Variants in SGPP1 observed in about 807,000 individuals in gnomAD.
SGPP1 encodes sphingosine-1-phosphate phosphatase 1.
A neutral mutation model predicts 33.0 loss-of-function variants in SGPP1; 21 were observed. The observed-to-expected ratio is 0.64, with a 90% confidence interval of 0.45 to 0.92. The LOEUF (loss-of-function observed/expected upper bound fraction) is 0.92. SGPP1 is among the 40% of genes least tolerant of loss of function. The pLI is 0.00. For synonymous variants in SGPP1, 239 were observed against 241.2 expected, an observed-to-expected ratio of 0.99 and a Z score of 0.08; for missense variants, 543 against 589.4, an observed-to-expected ratio of 0.92 and a Z score of 0.81.
intron 1 of SGPP1, among the ~76,000 whole-genome samples, chr14:63,723,473 C>A (rs955243663): frequency 2.0e-5 from 3 of 152,132 alleles, no homozygotes; most frequent in African/African-American, 7.2e-5. Context: ...GTAATCCCAG[C>A]ACTTTGGGAG....
chr14:63,707,127 A>T (rs1361342232), intron 1 of SGPP1, among the ~76,000 whole-genome samples: 1 of 151,776 alleles, frequency 6.6e-6, no homozygotes, highest in Non-Finnish European at 1.5e-5. Context: ...AACATTCTCA[A>T]TCTACGGTTT....
chr14:63,713,075 C>T (rs1227440251), intron 1 of SGPP1, among the ~76,000 whole-genome samples: 1 of 152,122 alleles, frequency 6.6e-6, no homozygotes. Context: ...TCTGTGTGTA[C>T]TCATTTTGCA....
chr14:63,686,108 A>G lies in SGPP1; in HGVS notation c.1323T>C (p.Ser441=), dbSNP rs1338743802. ...VPYIFFFIGI[S] is the part of the protein sequence containing the mutation. ...TATCATAAACAATACTTCTCCATCA[A>G]GAGATACCAATAAAGAAAAATATGT... Residue 441 remains serine (S), a synonymous_variant, in exon 3 of 3, where the codon TCT becomes TCC. Coordinates refer to ENST00000247225, the MANE Select transcript of SGPP1 (RefSeq NM_030791.4). 1.9e-6 allele frequency: 3 copies of G among 1,568,910 alleles called. No homozygotes were observed. In the Admixed American group the frequency reaches 5.4e-5, roughly 28 times the overall value.
intron 1 of SGPP1, among the ~76,000 whole-genome samples, chr14:63,710,097 T>C (rs1302700481): frequency 6.6e-6 from 1 of 152,178 alleles, no homozygotes; most frequent in African/African-American, 2.4e-5. Flanking sequence ...ATTCTAGGAA[T>C]GAATAGTGTA....
At chr14:63,694,155 T>C (rs1347063738) in intron 2 of SGPP1, among the ~76,000 whole-genome samples, 3 of 151,856 alleles carry the variant, frequency 2.0e-5, no homozygotes, top group Non-Finnish European at 4.4e-5. Flanking sequence ...GGCATGGTGG[T>C]CCCAACTACT....
intron 1 of SGPP1, among the ~76,000 whole-genome samples, chr14:63,724,489 C>A (rs1233753296): frequency 2.6e-5 from 4 of 151,934 alleles, no homozygotes; most frequent in Admixed American, 2.0e-4. Flanking sequence ...ATTCTTCCCC[C>A]AGTTTCTAGG....
chr14:63,699,135 T>G (rs1478721700), intron 1 of SGPP1, among the ~76,000 whole-genome samples: 1 of 152,228 alleles, frequency 6.6e-6, no homozygotes. Flanking sequence ...TCCCCTACCT[T>G]GCATTCAGTA....
chr14:63,719,464 C>T (rs1385094665), intron 1 of SGPP1, among the ~76,000 whole-genome samples: 3 of 151,808 alleles, frequency 2.0e-5, no homozygotes, highest in Admixed American at 6.6e-5. Flanking sequence ...GGCAATTTTA[C>T]GTTATCTGTT....
At chr14:63,721,375 C>T (rs534291874) in intron 1 of SGPP1, among the ~76,000 whole-genome samples, 1 of 151,410 alleles carries the variant, frequency 6.6e-6, no homozygotes, top group Non-Finnish European at 1.5e-5. Context: ...ACACAGGAGG[C>T]GGAGGTTGTA....
At chr14:63,721,235 G>A (rs7156594) in intron 1 of SGPP1, among the ~76,000 whole-genome samples, 2,185 of 152,096 alleles carry the variant, frequency 0.014, 34 homozygotes, top group Non-Finnish European at 0.022. Context: ...AGCCAAGATC[G>A]TGCCACTGCA....
Position 63,720,063 on chromosome 14 carries a change from T to C in SGPP1, c.684+7198A>G, listed in dbSNP as rs190703232. On this transcript the variant is annotated intron_variant, in intron 1 of 2. Coordinates refer to ENST00000247225, the MANE Select transcript of SGPP1 (RefSeq NM_030791.4). ...ATTGCTTGAACCCAGGAGGGGGAGG[T>C]TGCAGTGAGCAAAGATGGCACCACT... is the stretch of plus-strand genomic sequence containing the variant. Among the ~76,000 whole-genome samples the C allele has an allele frequency of 7.7e-4, 111 of 144,508 alleles. 2 individuals are homozygous for C. In the East Asian group the frequency reaches 0.013, roughly 16 times the overall value. 94.8% of individuals were successfully genotyped at this position (144,508 alleles called of 152,430 possible).
chr14:63,704,979 TAGTC>T (rs1885376059), intron 1 of SGPP1, among the ~76,000 whole-genome samples: 1 of 151,644 alleles, frequency 6.6e-6, no homozygotes, highest in Admixed American at 6.6e-5. Flanking sequence ...TACAAAAAAT[TAGTC>T]AGGCATGGTG....
At chr14:63,705,729 C>T (rs1885397367) in intron 1 of SGPP1, among the ~76,000 whole-genome samples, 1 of 152,058 alleles carries the variant, frequency 6.6e-6, no homozygotes, top group African/African-American at 2.4e-5. Flanking sequence ...CAACTTCATA[C>T]TCCACTAGGA....
chr14:63,688,264 C>T (rs942173275), intron 2 of SGPP1, among the ~76,000 whole-genome samples: 1 of 138,040 alleles, frequency 7.2e-6, no homozygotes, highest in African/African-American at 2.8e-5. Context: ...TGCAGTGAAC[C>T]GAGATGGCGC....
At chr14:63,688,712 T>C (rs561507684) in intron 2 of SGPP1, among the ~76,000 whole-genome samples, 1 of 148,762 alleles carries the variant, frequency 6.7e-6, no homozygotes, top group African/African-American at 2.6e-5. Context: ...CAACCGTCAT[T>C]TCTTTTTTTT....
At chr14:63,724,719 C>T (rs912441113) in intron 1 of SGPP1, among the ~76,000 whole-genome samples, 8 of 149,684 alleles carry the variant, frequency 5.3e-5, no homozygotes, top group African/African-American at 1.7e-4. Flanking sequence ...GTGGGGAGGC[C>T]GATGAGCGGG....
At chr14:63,700,291 C>T (rs1366535857) in intron 1 of SGPP1, among the ~76,000 whole-genome samples, 3 of 152,130 alleles carry the variant, frequency 2.0e-5, no homozygotes, top group African/African-American at 7.2e-5. Context: ...CAACTCTGCA[C>T]ATATTTCCAC....
chr14:63,691,686 T>A (rs752090331), intron 2 of SGPP1, among the ~76,000 whole-genome samples: 6 of 152,166 alleles, frequency 3.9e-5, no homozygotes, highest in Non-Finnish European at 7.3e-5. Context: ...GAGATTATGA[T>A]TGAACTGAAG....
At chr14:63,695,298 C>T (rs982190245) in intron 2 of SGPP1, among the ~76,000 whole-genome samples, 1 of 152,094 alleles carries the variant, frequency 6.6e-6, no homozygotes, top group South Asian at 2.1e-4. Flanking sequence ...CCTCATGATC[C>T]GCCCGCCTCT....
Sources: gnomAD v4.1 joint callset for allele counts (sites outside exome capture counted in the v4.1 genomes callset) on GRCh38, gnomAD v4.1.1 for gene constraint, MANE v1.5 for transcripts, NCBI Gene and HGNC (gene_info 2026-07-23, HGNC 2026-07-21) for gene names.